Variants in CWC27 observed in about 807,000 individuals in gnomAD.
CWC27 encodes the protein CWC27 spliceosome associated cyclophilin, also known as spliceosome-associated protein CWC27 homolog.
A neutral mutation model predicts 63.6 loss-of-function variants in CWC27; 47 were observed. The observed-to-expected ratio is 0.74, with a 90% CI of 0.58 to 0.94. The LOEUF is 0.94. Among genes scored for constraint, CWC27 ranks in the 40% least tolerant of loss-of-function variants. The probability of loss-of-function intolerance (pLI) is 0.00; values close to 1 mark genes in which losing one functional copy is unlikely to be tolerated. For synonymous variants in CWC27, 175 were observed against 179.8 expected (o/e 0.97, Z 0.22); for missense variants, 495 against 554.3 (o/e 0.89, Z 1.07).
At chr5:64,912,276 G>A (rs1016195008) in intron 11 of CWC27, among the ~76,000 whole-genome samples, 7 of 151,964 alleles carry the variant, frequency 4.6e-5, no homozygotes, top group Admixed American at 6.6e-5. Flanking sequence ...TTTGGCAAAT[G>A]TGGGCCCAAC....
At chr5:64,890,526 C>A (rs574692301) in intron 11 of CWC27, among the ~76,000 whole-genome samples, 1 of 152,206 alleles carries the variant, frequency 6.6e-6, no homozygotes, top group South Asian at 2.1e-4. Flanking sequence ...AAGCAGTTAA[C>A]TTTCTTTAGG....
chr5:64,835,858 G>C (rs1039245022), intron 10 of CWC27, among the ~76,000 whole-genome samples: 1 of 151,776 alleles, frequency 6.6e-6, no homozygotes, highest in African/African-American at 2.4e-5. Context: ...CATGATATGT[G>C]TTGCTTCTAT....
chr5:64,816,404 A>G (rs1473323671), intron 10 of CWC27, among the ~76,000 whole-genome samples: 1 of 152,130 alleles, frequency 6.6e-6, no homozygotes, highest in African/African-American at 2.4e-5. Flanking sequence ...AGTCTCCTTC[A>G]TTGTTAAGTA....
rs1301464169 is a variant in CWC27, at chr5:64,885,308, A to G, written c.939-135A>G. 8 of 577,680 alleles carry G rather than the reference A, an allele frequency of 1.4e-5. No individual in the cohort carries two copies. The African/African-American group carries it at 1.5e-4, about 11-fold the overall frequency. The allele number at this position is 577,680 out of a possible 1,614,324, so 35.8% of individuals were successfully genotyped here. A position where few individuals can be genotyped will look rare whatever the true frequency, so the allele number is the denominator to read the frequency against. The stretch of plus-strand genomic sequence containing the variant: ...GTATTTCTATAGCACAAGTATACAT[A>G]CACAGAAACAAAATGAATGAATTAC... On this transcript the variant is annotated intron_variant, in intron 10 of 13. Transcript: ENST00000381070.
chr5:64,840,429 A>ATATATATATATATATATG (rs1745801572), intron 10 of CWC27, among the ~76,000 whole-genome samples: 1 of 120,472 alleles, frequency 8.3e-6, no homozygotes, highest in Non-Finnish European at 1.7e-5. Flanking sequence ...ATATATATAT[A>ATATATATATATATATATG]TACTTATTAA....
chr5:64,958,600 C>A (rs1358505030), intron 11 of CWC27, among the ~76,000 whole-genome samples: 1 of 151,990 alleles, frequency 6.6e-6, no homozygotes, highest in African/African-American at 2.4e-5. Flanking sequence ...AAAATACAGT[C>A]GAAAATCAGT....
At chr5:64,874,634 G>A (rs1268254925) in intron 10 of CWC27, among the ~76,000 whole-genome samples, 7 of 151,894 alleles carry the variant, frequency 4.6e-5, no homozygotes. Context: ...GCCTGTGATT[G>A]TTAAAATCTC....
intron 11 of CWC27, among the ~76,000 whole-genome samples, chr5:64,960,799 G>A (rs1193831893): frequency 6.6e-6 from 1 of 150,460 alleles, no homozygotes; most frequent in African/African-American, 2.4e-5. Context: ...TTTTTTTTAA[G>A]AGATTGTCTC....
intron 2 of CWC27, 48 bp downstream of exon 2, chr5:64,774,835 T>C (rs745330221): frequency 9.4e-7 from 1 of 1,066,582 alleles, no homozygotes; most frequent in Non-Finnish European, 1.4e-6. Context: ...AATTTAAAAA[T>C]AAACTGCAGT....
At chr5:64,976,277 T>C (rs1749226963) in intron 12 of CWC27, among the ~76,000 whole-genome samples, 1 of 152,086 alleles carries the variant, frequency 6.6e-6, no homozygotes. Context: ...AATTACTCAG[T>C]CAGGGGGAAT....
chr5:65,001,245 A>G (rs1030003385), intron 13 of CWC27, among the ~76,000 whole-genome samples: 1 of 152,042 alleles, frequency 6.6e-6, no homozygotes, highest in Admixed American at 6.6e-5. Flanking sequence ...TTTTCTACAT[A>G]TAAGTTGATG....
At chr5:64,893,652 T>G (rs1561145674) in intron 11 of CWC27, among the ~76,000 whole-genome samples, 2 of 152,150 alleles carry the variant, frequency 1.3e-5, no homozygotes, top group Non-Finnish European at 2.9e-5. Context: ...AATACTGAAG[T>G]TCTCAGAAAA....
chr5:64,942,478 G>T (rs1748504577), intron 11 of CWC27, among the ~76,000 whole-genome samples: 1 of 144,094 alleles, frequency 6.9e-6, no homozygotes, highest in Non-Finnish European at 1.5e-5. Flanking sequence ...GAAAAACATT[G>T]CAATAGATCT....
chr5:64,813,421 T>C (rs1012084852), intron 10 of CWC27, among the ~76,000 whole-genome samples: 1 of 152,186 alleles, frequency 6.6e-6, no homozygotes, highest in Non-Finnish European at 1.5e-5. Context: ...TTCAGCTATG[T>C]ATATCAGAAA....
chr5:64,948,269 A>G (rs1391252598), intron 11 of CWC27, among the ~76,000 whole-genome samples: 1 of 152,078 alleles, frequency 6.6e-6, no homozygotes, highest in Non-Finnish European at 1.5e-5. Context: ...AGAAAAAATC[A>G]GAGTATATCA....
At chr5:64,807,478 A>G (rs2112221509) in intron 10 of CWC27, 1 of 1,313,450 alleles carries the variant, frequency 7.6e-7, no homozygotes, top group Admixed American at 3.3e-5. Context: ...TACAAATCCA[A>G]AACGCTTCCT....
intron 4 of CWC27, among the ~76,000 whole-genome samples, chr5:64,784,299 T>G (rs1215358684): frequency 6.6e-6 from 1 of 152,204 alleles, no homozygotes; most frequent in African/African-American, 2.4e-5. Flanking sequence ...GAAGGACATT[T>G]AGGTAATAAT....
chr5:64,934,300 T>G (rs919148862), intron 11 of CWC27, among the ~76,000 whole-genome samples: 2 of 152,192 alleles, frequency 1.3e-5, no homozygotes, highest in Admixed American at 6.5e-5. Flanking sequence ...CCCTTCCCTG[T>G]GTCCATGTGT....
At chr5:65,013,384 C>A (rs1749995744) in intron 13 of CWC27, among the ~76,000 whole-genome samples, 1 of 152,174 alleles carries the variant, frequency 6.6e-6, no homozygotes, top group Non-Finnish European at 1.5e-5. Flanking sequence ...CAGGCCTGAC[C>A]AGTACAAAGG....
Sources: allele counts gnomAD v4.1 joint callset (sites outside exome capture counted in the v4.1 genomes callset), GRCh38; gene constraint gnomAD v4.1.1; transcripts MANE v1.5; gene names NCBI Gene and HGNC (gene_info 2026-07-23, HGNC 2026-07-21).